Variants in DLGAP4 observed in about 807,000 individuals in gnomAD.
The protein encoded by DLGAP4 is disks large-associated protein 4.
DLGAP4 carries 18 observed loss-of-function variants against 86.9 expected under a neutral mutation model. The observed-to-expected ratio is 0.21, with a 90% CI of 0.14 to 0.31. The LOEUF (loss-of-function observed/expected upper bound fraction) is 0.31. Ranked by LOEUF, DLGAP4 falls within the 10% of genes least tolerant of loss-of-function variation. The pLI is 1.00. For missense variants in DLGAP4, 1,085 were observed against 1,362.6 expected (o/e 0.80, Z 3.21); for synonymous variants, 548 against 574.3 (o/e 0.95, Z 0.65).
In DLGAP4 at chr20:36,442,111, A is replaced by G. The variant is rs6012507; in HGVS notation, c.1357-616A>G. Among the ~76,000 whole-genome samples, 792 of 152,264 alleles carry G rather than the reference A, an allele frequency of 5.2e-3. 7 individuals carry two copies. The highest frequency in any genetic ancestry group is 0.018 in the African/African-American group (768 of 41,562). On this transcript the variant is annotated intron_variant, in intron 5 of 12. Coordinates refer to ENST00000339266, the MANE Select transcript of DLGAP4 (RefSeq NM_001365621.2). ...GCTCTGGGCTCCATCCCTAATCTGT[A>G]TCTCCAGGTGGGCTGCCTGCCAGAT...
intron 1 of DLGAP4, among the ~76,000 whole-genome samples, chr20:36,318,106 TCACACACACACACACACACACA>T (rs1156543199): frequency 1.6e-4 from 22 of 139,226 alleles, no homozygotes; most frequent in South Asian, 5.1e-4. Context: ...ATGTGTCCTC[TCACACACACACACACACACACA>T]CACACACACA....
At chr20:36,495,893 A>G (rs2035864789) in intron 7 of DLGAP4, among the ~76,000 whole-genome samples, 1 of 151,952 alleles carries the variant, frequency 6.6e-6, no homozygotes, top group South Asian at 2.1e-4. Flanking sequence ...TTGTTTTGAG[A>G]TGGAGTTTTG....
chr20:36,395,882 C>A (rs1433729185), intron 2 of DLGAP4, among the ~76,000 whole-genome samples: 2 of 152,150 alleles, frequency 1.3e-5, no homozygotes, highest in African/African-American at 2.4e-5. Flanking sequence ...ACCATCAAGT[C>A]CATGAGAGAG....
intron 5 of DLGAP4, 30 bp downstream of exon 5, chr20:36,439,898 G>C: frequency 6.3e-7 from 1 of 1,584,358 alleles, no homozygotes; most frequent in Non-Finnish European, 8.6e-7. Flanking sequence ...TGGAGAGTCA[G>C]GGGGCTTGGG....
At chr20:36,344,288 C>T (rs552384267) in intron 1 of DLGAP4, among the ~76,000 whole-genome samples, 4 of 152,350 alleles carry the variant, frequency 2.6e-5, no homozygotes, top group Non-Finnish European at 4.4e-5. Context: ...TCCCCATTTT[C>T]GTACTTACTT....
chr20:36,433,268 T>G (rs1381829856), intron 3 of DLGAP4, among the ~76,000 whole-genome samples: 1 of 152,348 alleles, frequency 6.6e-6, no homozygotes, highest in African/African-American at 2.4e-5. Context: ...TGGACGGTCA[T>G]GTCAGTGTCG....
chr20:36,520,774 T>C (rs1479439853), intron 10 of DLGAP4, among the ~76,000 whole-genome samples: 1 of 151,968 alleles, frequency 6.6e-6, no homozygotes, highest in Non-Finnish European at 1.5e-5. Context: ...ATGCTTTTGG[T>C]GTCTTAAGAA....
intron 2 of DLGAP4, among the ~76,000 whole-genome samples, chr20:36,395,361 G>A (rs771380669): frequency 3.3e-5 from 5 of 152,124 alleles, no homozygotes; most frequent in South Asian, 4.1e-4. Flanking sequence ...TGCTGTATCC[G>A]AGAGCTTTGA....
Position 36,490,148 on chromosome 20 carries a change from G to A in DLGAP4, c.1649-6557G>A, listed in dbSNP as rs557297866. ...GTTGGAATTACAGGTGTGAGCCTCC[G>A]CGCCCGGCCAGTGTTGCTATTTCTT... On this transcript the variant is annotated intron_variant, in intron 7 of 12. Coordinates refer to ENST00000339266, the MANE Select transcript of DLGAP4 (RefSeq NM_001365621.2). Among the ~76,000 whole-genome samples, 13 of 152,190 alleles carry A rather than the reference G, an allele frequency of 8.5e-5. No homozygotes were observed. In the East Asian group the frequency reaches 2.3e-3, roughly 27 times the overall value.
intron 7 of DLGAP4, among the ~76,000 whole-genome samples, chr20:36,456,866 G>T (rs2033891990): frequency 6.6e-6 from 1 of 152,250 alleles, no homozygotes; most frequent in South Asian, 2.1e-4. Context: ...CCCAAAGGAA[G>T]AGAGATGAAG....
At chr20:36,405,479 A>C (rs2032291099) in intron 2 of DLGAP4, among the ~76,000 whole-genome samples, 2 of 152,140 alleles carry the variant, frequency 1.3e-5, no homozygotes, top group Admixed American at 1.3e-4. Flanking sequence ...GGAGGCTGGG[A>C]CATTTCTGGC....
chr20:36,403,910 T>G (rs900634733), intron 2 of DLGAP4, among the ~76,000 whole-genome samples: 2 of 152,228 alleles, frequency 1.3e-5, no homozygotes, highest in Non-Finnish European at 2.9e-5. Flanking sequence ...ATAGGGCTGC[T>G]TGAGTGCCTT....
intron 2 of DLGAP4, among the ~76,000 whole-genome samples, chr20:36,373,972 G>A (rs1035255012): frequency 4.0e-5 from 6 of 151,208 alleles, no homozygotes; most frequent in African/African-American, 1.5e-4. Flanking sequence ...TGGAGGCAGA[G>A]GTTGCAGTGA....
chr20:36,429,542 G>A (rs1356359578), intron 2 of DLGAP4, among the ~76,000 whole-genome samples: 1 of 151,178 alleles, frequency 6.6e-6, no homozygotes, highest in Non-Finnish European at 1.5e-5. Flanking sequence ...CAAGTAGCTG[G>A]CATTACAAGC....
intron 1 of DLGAP4, among the ~76,000 whole-genome samples, chr20:36,338,057 T>C (rs2065340100): frequency 1.3e-5 from 2 of 152,150 alleles, no homozygotes; most frequent in Admixed American, 1.3e-4. Context: ...TGTGGGCAAG[T>C]AGCCTGTGCC....
chr20:36,446,780 G>C lies in DLGAP4; in HGVS notation c.1491G>C (p.Thr497=). Reference sequence around the variant, plus strand: ...AAGCGGAGTCCACAGCGGCAGAGACGCTTGACTTGCCACTGCCCAGCTACT... The same window carrying C: ...AAGCGGAGTCCACAGCGGCAGAGACCCTTGACTTGCCACTGCCCAGCTACT... ...CSEAESTAAE[T]LDLPLPSYFR... Residue 497 remains threonine, a synonymous_variant, in exon 7 of 13, where the codon ACG becomes ACC. Transcript: ENST00000339266. 1 of 1,612,698 alleles carries C rather than the reference G, an allele frequency of 6.2e-7. No individual in the cohort carries two copies. The highest frequency in any genetic ancestry group is 1.1e-5 in the South Asian group (1 of 90,956).
intron 7 of DLGAP4, chr20:36,461,413 G>A (rs1054817889): frequency 1.2e-5 from 12 of 964,092 alleles, no homozygotes; most frequent in African/African-American, 1.1e-4. Context: ...GACGCGGGGG[G>A]CGGGGAGGGG....
intron 2 of DLGAP4, among the ~76,000 whole-genome samples, chr20:36,372,551 C>T (rs1294166606): frequency 5.3e-5 from 8 of 151,330 alleles, no homozygotes; most frequent in Non-Finnish European, 1.5e-5. Flanking sequence ...ACTAGTATAC[C>T]TGCCCAGGAA....
intron 7 of DLGAP4, among the ~76,000 whole-genome samples, chr20:36,473,756 TA>T (rs1569511954): frequency 6.6e-6 from 1 of 152,054 alleles, no homozygotes; most frequent in East Asian, 1.9e-4. Context: ...GGCCAGCAAA[TA>T]CGATTTTTAT....
Sources: allele counts gnomAD v4.1 joint callset (sites outside exome capture counted in the v4.1 genomes callset), GRCh38; gene constraint gnomAD v4.1.1; transcripts MANE v1.5; gene names NCBI Gene and HGNC (gene_info 2026-07-23, HGNC 2026-07-21).